FAT2: variants seen among roughly 807,000 people sequenced by gnomAD.
The protein encoded by FAT2 is FAT atypical cadherin 2.
A neutral mutation model predicts 295.3 loss-of-function variants in FAT2; 150 were observed. The ratio of observed to expected loss-of-function variants is 0.51; its 90% confidence interval spans 0.44 to 0.58. The LOEUF (loss-of-function observed/expected upper bound fraction) is 0.58, where lower values mean the gene tolerates loss of function less well. FAT2 is among the 20% of genes least tolerant of loss of function. The pLI, the probability that FAT2 is intolerant of heterozygous loss-of-function variation, is 0.00. For missense variants in FAT2, 4,868 were observed against 5,442.7 expected (o/e 0.89, Z 3.32); for synonymous variants, 2,026 against 2,150.3 (o/e 0.94, Z 1.60).
chr5:151,519,827 A>G (rs1753256038), intron 19 of FAT2, among the ~76,000 whole-genome samples: 1 of 152,158 alleles, frequency 6.6e-6, no homozygotes, highest in Admixed American at 6.5e-5. Flanking sequence ...CTTCAATGCA[A>G]GCCCTTGCAC....
chr5:151,532,613 T>C (rs1415515261), intron 13 of FAT2, among the ~76,000 whole-genome samples: 3 of 152,254 alleles, frequency 2.0e-5, no homozygotes, highest in African/African-American at 7.2e-5. Context: ...ATGGAGTCTA[T>C]AATTACGTCA....
rs1755078921 is a variant in FAT2 at position 151,534,970 on chromosome 5, A to ATATATATATATATAT, written c.9194-329_9194-328insATATATATATATATA. ...TGGTTCGTAATTCCACTTCTAGGAA[A>ATATATATATATATAT]ATATATATATATATATATATATATA... On this transcript the variant is annotated intron_variant, in intron 12 of 23. Transcript: ENST00000261800. Among the ~76,000 whole-genome samples, 105 of 106,358 alleles carry ATATATATATATATAT rather than the reference A, an allele frequency of 9.9e-4. 1 individual carries two copies. The highest frequency in any genetic ancestry group is 1.9e-3 in the Non-Finnish European group (87 of 46,766). The allele number at this position is 106,358 out of a possible 152,430, so 69.8% of individuals were successfully genotyped here.
chr5:151,551,575 CTCAATG>C lies in FAT2; in HGVS notation c.4182_4187del (p.Asp1394_Ile1395del). 1 of 1,614,212 alleles carries C rather than the reference CTCAATG, an allele frequency of 6.2e-7. No individual in the cohort carries two copies. ...CAATGACGATGCTGCCTGTGGTCTT[CTCAATG>C]TCAAAGTCCATGTCCTTATCCCCAC... On this transcript the variant is annotated inframe_deletion, in exon 7 of 24. Coordinates refer to ENST00000261800, the MANE Select transcript of FAT2 (RefSeq NM_001447.3).
rs544845528 is a variant in FAT2, at chr5:151,539,368, C to T, written c.9039+1199G>A. The stretch of plus-strand genomic sequence containing the variant: ...CATTCATATGTGTGTGCAAGCAAGT[C>T]GAAGTTTGTATATATGCAAATGCAT... On this transcript the variant is annotated intron_variant, in intron 11 of 23. Transcript: ENST00000261800. Among the ~76,000 whole-genome samples the T allele has an allele frequency of 6.6e-5, 10 of 152,224 alleles. No homozygotes were observed. In the South Asian group the frequency reaches 1.2e-3, roughly 19 times the overall value.
Position 151,566,827 on chromosome 5 carries a change from A to G in FAT2, c.2105T>C (p.Leu702Ser), listed in dbSNP as rs191001264. The G allele has an allele frequency of 1.2e-6, 2 of 1,614,202 alleles. No individual in the cohort carries two copies. Among genetic ancestry groups the G allele is most frequent in the East Asian group, 2.2e-5 (1 of 44,880 alleles). Residue 702 changes from leucine to serine, a missense_variant, in exon 2 of 24, where the codon TTA (leucine) becomes TCA (serine). Leu to Ser is a moderately radical substitution (Grantham distance 145, BLOSUM62 -2). Coordinates refer to ENST00000261800, the MANE Select transcript of FAT2 (RefSeq NM_001447.3). ...GTAATGATTAATCTGATATGTGCTT[A>G]AAGAAGTGAATTCCTCATCACTGGA... ...QESSDEEFTS[L>S]STYQINHYTP...
intron 11 of FAT2, among the ~76,000 whole-genome samples, chr5:151,539,945 A>G (rs900547230): frequency 1.3e-5 from 2 of 152,218 alleles, no homozygotes; most frequent in African/African-American, 4.8e-5. Flanking sequence ...ATCTCAGTGG[A>G]CTAAATTACC....
Position 151,531,946 on chromosome 5 carries a change from G to A in FAT2, c.9452C>T (p.Ser3151Phe), listed in dbSNP as rs745369585. ...GTGGCCTTCGGCTGAATCCGGCAGAGAGTAAACCACCTGGGCATTGGCGCC... is the reference window on the plus strand; with the variant it reads ...GTGGCCTTCGGCTGAATCCGGCAGAAAGTAAACCACCTGGGCATTGGCGCC... Reference protein sequence around the residue: ...DQGANAQVVYSLPDSAEGHFS... With the variant: ...DQGANAQVVYFLPDSAEGHFS... The change falls in exon 14 of 24, where the codon TCT becomes TTT. Residue 3151 changes from serine (S) to phenylalanine (F), a missense_variant. By Grantham distance (155) the Ser-to-Phe change is radical. Coordinates refer to ENST00000261800, the MANE Select transcript of FAT2 (RefSeq NM_001447.3). This position sits in a 1 kb window ranked among gnomAD's most constrained non-coding sequence, Gnocchi z 5.7. The A allele has an allele frequency of 1.9e-6, 3 of 1,614,088 alleles. No individual in the cohort carries two copies. The highest frequency in any genetic ancestry group is 1.7e-5 in the Admixed American group (1 of 60,014).
At chr5:151,533,775 T>A (rs971157581) in intron 13 of FAT2, among the ~76,000 whole-genome samples, 2 of 151,986 alleles carry the variant, frequency 1.3e-5, no homozygotes, top group South Asian at 2.1e-4. Flanking sequence ...TATATCACAT[T>A]AATGAGTTAT....
rs1756483838 is a variant in FAT2 at position 151,545,007 on chromosome 5, C to T, written c.6120G>A (p.Val2040=). The T allele has an allele frequency of 1.9e-6, 3 of 1,614,192 alleles. No homozygotes were observed. The highest frequency in any genetic ancestry group is 4.5e-5 in the East Asian group (2 of 44,880). Residue 2040 remains valine, a synonymous_variant, in exon 10 of 24, where the codon GTG becomes GTA. Transcript: ENST00000261800. ...REQQDTHELA[V]EVRDNRTPQR... is the part of the protein sequence containing the mutation. ...GAGGTGTCCGATTGTCCCTCACTTC[C>T]ACTGCCAACTCATGAGTGTCCTGCT...
chr5:151,535,148 G>C (rs981787095), intron 12 of FAT2, among the ~76,000 whole-genome samples: 2 of 151,844 alleles, frequency 1.3e-5, no homozygotes, highest in Admixed American at 6.6e-5. Flanking sequence ...TAGCCACACA[G>C]TAAAACACCA....
rs758778822 is a variant in FAT2, at chr5:151,566,685, T to C, written c.2247A>G (p.Lys749=). ...ATDPDAGFNG[K]LVYVIADGNE... ...TGCCATCTGCAATCACATAGACCAG[T>C]TTGCCATTAAAACCAGCATCAGGGT... Residue 749 remains lysine (K), a synonymous_variant, in exon 2 of 24, where the codon AAA becomes AAG. Transcript: ENST00000261800. 6.2e-7 allele frequency: 1 copy of C among 1,614,144 alleles called. No homozygotes were observed. Among genetic ancestry groups the C allele is most frequent in the South Asian group, 1.1e-5 (1 of 91,082 alleles).
intron 1 of FAT2, among the ~76,000 whole-genome samples, chr5:151,577,733 G>A (rs1435850243): frequency 6.6e-6 from 1 of 152,140 alleles, no homozygotes; most frequent in African/African-American, 2.4e-5. Context: ...ACGCTGCTGT[G>A]GGTTTTCAAG....
At chr5:151,584,144 T>A (rs944111998) in intron 1 of FAT2, among the ~76,000 whole-genome samples, 1 of 152,054 alleles carries the variant, frequency 6.6e-6, no homozygotes, top group Non-Finnish European at 1.5e-5. Flanking sequence ...CTATGGGATC[T>A]TGGACCCTTC....
Position 151,567,839 on chromosome 5 carries a change from C to T in FAT2, c.1093G>A (p.Ala365Thr), listed in dbSNP as rs370781457. 3.1e-6 allele frequency: 5 copies of T among 1,614,128 alleles called. No homozygotes were observed. The highest frequency in any genetic ancestry group is 4.2e-6 in the Non-Finnish European group (5 of 1,180,024). Residue 365 changes from alanine (A) to threonine (T), a missense_variant, in exon 2 of 24, where the codon GCT becomes ACT. Ala to Thr is a moderately conservative substitution (Grantham distance 58). Around this residue, in one of 5 missense-constraint regions of FAT2, gnomAD observed 3,297 missense variants for 3,669.4 expected, o/e 0.90. Transcript: ENST00000261800. ...SKLSSLKFEK[A>T]VYRVQLSEFS... ...TCACTAAGCTGCACTCTGTAAACAGCCTTCTCGAATTTGAGGGAAGACAGT... is the reference window on the plus strand; with the variant it reads ...TCACTAAGCTGCACTCTGTAAACAGTCTTCTCGAATTTGAGGGAAGACAGT...
intron 1 of FAT2, among the ~76,000 whole-genome samples, chr5:151,579,048 T>C (rs1050451911): frequency 3.5e-4 from 53 of 152,290 alleles, no homozygotes; most frequent in African/African-American, 1.3e-3. Context: ...TGAAAAATTC[T>C]TAAGCCAGAG....
chr5:151,539,529 G>C (rs1157734696), intron 11 of FAT2, among the ~76,000 whole-genome samples: 1 of 152,160 alleles, frequency 6.6e-6, no homozygotes, highest in East Asian at 1.9e-4. Context: ...TGTGTGTATA[G>C]GGTTGTAGAT....
At chr5:151,561,493 C>T (rs1043906721) in intron 3 of FAT2, among the ~76,000 whole-genome samples, 6 of 152,164 alleles carry the variant, frequency 3.9e-5, no homozygotes, top group Non-Finnish European at 2.9e-5. Context: ...CAGGCTCAAG[C>T]CATCTTGCTA....
Position 151,565,799 on chromosome 5 carries a change from T to C in FAT2, c.3133A>G (p.Ser1045Gly), listed in dbSNP as rs747470052. Residue 1045 changes from serine (S) to glycine (G), a missense_variant, in exon 2 of 24, where the codon AGC becomes GGC. By Grantham distance (56) the Ser-to-Gly change is moderately conservative. Around this residue, in one of 5 missense-constraint regions of FAT2, gnomAD observed 3,297 missense variants for 3,669.4 expected, o/e 0.90. Coordinates refer to ENST00000261800, the MANE Select transcript of FAT2 (RefSeq NM_001447.3). ...FVHQGQVQEN[S>G]PSGTQVIVVA... ...ACAATCACCTGAGTTCCCGAGGGGC[T>C]GTTCTCCTGCACCTGGCCCTGGTGC... The C allele has an allele frequency of 5.0e-6, 8 of 1,614,020 alleles. No individual in the cohort carries two copies. In the African/African-American group the frequency reaches 8.0e-5, roughly 16 times the overall value.
At position 151,566,131 on chromosome 5, in the gene FAT2, A is replaced by G. The variant is rs1252340749; in HGVS notation, c.2801T>C (p.Val934Ala). Reference sequence around the variant, plus strand: ...AGTCCCGGGGGGCAGGTCCTCTGGAACCTTCAGCCTGTTGTGTTCTGTGAT... The same window carrying G: ...AGTCCCGGGGGGCAGGTCCTCTGGAGCCTTCAGCCTGTTGTGTTCTGTGAT... ...QCITEHNRLK[V>A]PEDLPPGTVL... Residue 934 changes from valine to alanine, a missense_variant, in exon 2 of 24, where the codon GTT becomes GCT. By Grantham distance (64) the Val-to-Ala change is moderately conservative (BLOSUM62 0). Around this residue, in one of 5 missense-constraint regions of FAT2, gnomAD observed 3,297 missense variants for 3,669.4 expected, o/e 0.90. Transcript: ENST00000261800. 6.2e-7 allele frequency: 1 copy of G among 1,614,084 alleles called. No homozygotes were observed. The highest frequency in any genetic ancestry group is 1.7e-5 in the Admixed American group (1 of 60,006).
Sources: gnomAD v4.1 joint callset for allele counts (sites outside exome capture counted in the v4.1 genomes callset) on GRCh38, gnomAD v4.1.1 for gene constraint, gnomAD v4.1.1 regional missense constraint, Gnocchi (gnomAD v3.1) non-coding constraint, MANE v1.5 for transcripts, NCBI Gene and HGNC (gene_info 2026-07-23, HGNC 2026-07-21) for gene names.